SOX5: variants seen among roughly 807,000 people sequenced by gnomAD.
SOX5 encodes the protein SRY-box transcription factor 5, also known as transcription factor SOX-5.
SOX5 carries 9 observed loss-of-function variants against 92.0 expected under a neutral mutation model. The observed-to-expected ratio is 0.10, with a 90% CI of 0.06 to 0.17. The LOEUF is 0.17. SOX5 is among the 10% of genes least tolerant of loss of function. The pLI, the probability that SOX5 is intolerant of heterozygous loss-of-function variation, is 1.00. For missense variants in SOX5, 642 were observed against 944.5 expected (o/e 0.68, Z 4.20); for synonymous variants, 344 against 336.3 (o/e 1.02, Z -0.25).
intron 6 of SOX5, among the ~76,000 whole-genome samples, chr12:23,703,075 G>A (rs576118142): frequency 6.6e-6 from 1 of 152,098 alleles, no homozygotes; most frequent in South Asian, 2.1e-4. Flanking sequence ...CAGCCAGCTG[G>A]CTCCATACCG....
chr12:24,122,367 C>T lies in SOX5; in HGVS notation c.-2+90976G>A, dbSNP rs147080826. 1.6e-3 allele frequency among the ~76,000 whole-genome samples: 239 copies of T among 152,218 alleles called. 1 individual carries two copies. The highest frequency in any genetic ancestry group is 2.9e-3 in the Non-Finnish European group (198 of 68,010). The stretch of plus-strand genomic sequence containing the variant: ...AGATCATGACAAAAGTTTTCTGGAA[C>T]GACCAAGGAATTTGGCTTGTTGACT... On this transcript the variant is annotated intron_variant, in intron 4 of 4. Transcript: ENST00000446891.
intron 4 of SOX5, among the ~76,000 whole-genome samples, chr12:24,207,836 T>A (rs946650545): frequency 2.0e-5 from 3 of 152,206 alleles, no homozygotes; most frequent in African/African-American, 7.2e-5. Flanking sequence ...TAAATTCATA[T>A]AGCTGCATCG....
At chr12:24,167,619 C>T (rs950656983) in intron 4 of SOX5, among the ~76,000 whole-genome samples, 4 of 152,208 alleles carry the variant, frequency 2.6e-5, no homozygotes, top group African/African-American at 9.6e-5. Flanking sequence ...AAAATGATTT[C>T]TGTCTCTCAA....
At chr12:23,744,060 G>A (rs1289585113) in intron 4 of SOX5, among the ~76,000 whole-genome samples, 6 of 152,096 alleles carry the variant, frequency 3.9e-5, no homozygotes, top group African/African-American at 1.2e-4. Flanking sequence ...CCATCTTGCT[G>A]CATCTTCAGC....
chr12:24,183,732 T>A (rs1203334175), intron 4 of SOX5, among the ~76,000 whole-genome samples: 1 of 152,162 alleles, frequency 6.6e-6, no homozygotes. Flanking sequence ...CATACAAAAT[T>A]AAGATTCCTG....
chr12:24,301,935 A>AT (rs1303915148), intron 2 of SOX5, among the ~76,000 whole-genome samples: 2 of 152,030 alleles, frequency 1.3e-5, no homozygotes, highest in Non-Finnish European at 2.9e-5. Context: ...AAGTAATAGT[A>AT]TTTTTTTGCT....
chr12:24,012,177 G>T (rs529527068), intron 4 of SOX5, among the ~76,000 whole-genome samples: 6 of 152,280 alleles, frequency 3.9e-5, no homozygotes, highest in South Asian at 2.1e-4. Context: ...TTGCAAATGG[G>T]TTATTTAGCG....
At chr12:23,729,911 C>T (rs989280) in intron 6 of SOX5, among the ~76,000 whole-genome samples, 105,405 of 151,970 alleles carry the variant, frequency 0.69, 36,684 homozygotes, top group Non-Finnish European at 0.74. Flanking sequence ...AACTAGGACA[C>T]GCTTCTCACA....
chr12:24,136,678 T>A (rs1950139059), intron 4 of SOX5, among the ~76,000 whole-genome samples: 2 of 152,136 alleles, frequency 1.3e-5, no homozygotes, highest in Non-Finnish European at 2.9e-5. Flanking sequence ...TTTCAGACCC[T>A]CTCCAAGCAT....
intron 7 of SOX5, among the ~76,000 whole-genome samples, chr12:23,657,213 A>G (rs950162509): frequency 6.6e-6 from 1 of 152,138 alleles, no homozygotes; most frequent in Admixed American, 6.5e-5. Flanking sequence ...AATCAATAAG[A>G]GAGCAAGCCT....
intron 3 of SOX5, among the ~76,000 whole-genome samples, chr12:24,260,483 A>G (rs1392817708): frequency 1.3e-5 from 2 of 152,206 alleles, no homozygotes; most frequent in East Asian, 3.8e-4. Flanking sequence ...TATTATTACA[A>G]TATACCTATT....
intron 2 of SOX5, among the ~76,000 whole-genome samples, chr12:23,859,998 A>C (rs1047426554): frequency 5.9e-5 from 9 of 152,220 alleles, no homozygotes; most frequent in African/African-American, 2.2e-4. Flanking sequence ...TTTTGAGGGA[A>C]TATGAATGAA....
chr12:24,546,117 G>A (rs929114443), intron 1 of SOX5, among the ~76,000 whole-genome samples: 1 of 152,134 alleles, frequency 6.6e-6, no homozygotes, highest in Non-Finnish European at 1.5e-5. Flanking sequence ...TGTTTATTGG[G>A]CCCTGAATAT....
At chr12:24,515,092 C>A (rs1196558987) in intron 1 of SOX5, among the ~76,000 whole-genome samples, 1 of 152,136 alleles carries the variant, frequency 6.6e-6, no homozygotes, top group Non-Finnish European at 1.5e-5. Context: ...GAAGATAATG[C>A]ATAGCTGTGT....
In SOX5 at chr12:23,740,778, T is replaced by G. The variant is rs1189352836; in HGVS notation, c.741+89A>C. ...ACTGGGGAGGTGGAAGGGACTCTTA[T>G]TCATTGTTGTGTGCCTAGGACAGTG... On this transcript the variant is annotated intron_variant, in intron 5 of 14. Transcript: ENST00000451604. 6 of 1,082,688 alleles carry G rather than the reference T, an allele frequency of 5.5e-6. No homozygotes were observed. In the East Asian group the frequency reaches 1.6e-4, roughly 28 times the overall value. 67.1% of individuals were successfully genotyped at this position (1,082,688 alleles called of 1,614,324 possible). A position where few individuals can be genotyped will look rare whatever the true frequency, so the allele number is the denominator to read the frequency against.
intron 10 of SOX5, among the ~76,000 whole-genome samples, chr12:23,574,857 C>T (rs1354107299): frequency 1.3e-5 from 2 of 152,164 alleles, no homozygotes; most frequent in Non-Finnish European, 2.9e-5. Flanking sequence ...TGTAGTCCTT[C>T]CCAGACAGAA....
chr12:24,540,144 C>T (rs1043899755), intron 1 of SOX5, among the ~76,000 whole-genome samples: 6 of 152,048 alleles, frequency 3.9e-5, no homozygotes, highest in Admixed American at 6.6e-5. Context: ...GATGTTCTCA[C>T]GTAAGGACCT....
At chr12:24,447,279 T>C (rs76700244) in intron 1 of SOX5, among the ~76,000 whole-genome samples, 5,340 of 152,220 alleles carry the variant, frequency 0.035, 138 homozygotes, top group Admixed American at 0.062. Flanking sequence ...GTGCCCTTGG[T>C]ATGATGTGAT....
chr12:23,576,191 T>A (rs1454002857), intron 9 of SOX5, among the ~76,000 whole-genome samples: 4 of 150,836 alleles, frequency 2.7e-5, no homozygotes, highest in Non-Finnish European at 5.9e-5. Context: ...GTAGGTAGGT[T>A]TTTTTTTTAA....
Sources: allele counts gnomAD v4.1 joint callset (sites outside exome capture counted in the v4.1 genomes callset), GRCh38; gene constraint gnomAD v4.1.1; transcripts MANE v1.5; gene names NCBI Gene and HGNC (gene_info 2026-07-23, HGNC 2026-07-21).